EIF4G2: variants seen among roughly 807,000 people sequenced by gnomAD.
EIF4G2 encodes the protein DAP-5.
In EIF4G2, 8 loss-of-function variants were observed where a neutral mutation model predicts 117.7. The ratio of observed to expected loss-of-function variants is 0.07; its 90% confidence interval spans 0.04 to 0.12. The LOEUF (loss-of-function observed/expected upper bound fraction) is 0.12. Among genes scored for constraint, EIF4G2 ranks in the 10% least tolerant of loss-of-function variants. EIF4G2 has a pLI of 1.00. For missense variants in EIF4G2, 812 were observed against 1,086.2 expected, an observed-to-expected ratio of 0.75 and a Z score of 3.55; for synonymous variants, 413 against 367.8, an observed-to-expected ratio of 1.12 and a Z score of -1.41.
chr11:10,803,554 T>C lies in EIF4G2; in HGVS notation c.739A>G (p.Met247Val), dbSNP rs773737634. ...CAGAGGCACTCCAAATCCTCTCCCATATCTTTGAGTTGGACTCTCTTCTTC... is the reference window on the plus strand; with the variant it reads ...CAGAGGCACTCCAAATCCTCTCCCACATCTTTGAGTTGGACTCTCTTCTTC... Residue 247 changes from methionine to valine, a missense_variant, in exon 9 of 22, where the codon ATG becomes GTG. Physicochemically the swap from Met to Val is conservative, Grantham distance 21. This residue lies in a region of EIF4G2 where 154 missense variants were observed against 322.1 expected (regional missense o/e 0.48). Transcript: ENST00000339995. This position sits in a 1 kb window ranked among gnomAD's most constrained non-coding sequence, Gnocchi z 4.0. The C allele has an allele frequency of 1.9e-6, 3 of 1,614,076 alleles. No individual in the cohort carries two copies. The highest frequency in any genetic ancestry group is 2.2e-5 in the East Asian group (1 of 44,864).
At chr11:10,807,133 T>G in intron 2 of EIF4G2, 122 bp downstream of exon 2, 43 of 1,439,888 alleles carry the variant, frequency 3.0e-5, no homozygotes, top group Non-Finnish European at 4.0e-5. Flanking sequence ...AGGCTGTCAA[T>G]GAAAACTTAA....
Position 10,797,650 on chromosome 11 carries a change from T to C in EIF4G2, c.*166A>G, listed in dbSNP as rs2135401958. 2 of 691,672 alleles carry C rather than the reference T, an allele frequency of 2.9e-6. No individual in the cohort carries two copies. Among genetic ancestry groups the C allele is most frequent in the South Asian group, 3.6e-5 (2 of 55,828 alleles). 42.8% of individuals were successfully genotyped at this position (691,672 alleles called of 1,614,324 possible). A position where few individuals can be genotyped will look rare whatever the true frequency, so the allele number is the denominator to read the frequency against. On this transcript the variant is annotated 3_prime_UTR_variant, in exon 22 of 22. Coordinates refer to ENST00000339995, the MANE Select transcript of EIF4G2 (RefSeq NM_001418.4). The surrounding 1 kb of genome is among the most constrained non-coding windows in gnomAD (Gnocchi z 4.5). ...TGATGGTAGACTATGATTAAGACAT[T>C]ACACTACAAAAAAACCTTATGCAGA...
At chr11:10,799,526 C>G in intron 19 of EIF4G2, 26 bp downstream of exon 19, 1 of 1,610,888 alleles carries the variant, frequency 6.2e-7, no homozygotes, top group Non-Finnish European at 8.5e-7. Context: ...GAAACATTAC[C>G]ATATGCAGAA....
At chr11:10,805,078 G>A in intron 4 of EIF4G2, 63 bp from the exon 5 acceptor site, 2 of 1,296,074 alleles carry the variant, frequency 1.5e-6, no homozygotes, top group Non-Finnish European at 1.1e-6. Context: ...TTGAAAAACT[G>A]CTTTTAAATT....
rs755135345 is a variant in EIF4G2 at position 10,800,513 on chromosome 11, G to C, written c.1779C>G (p.Ser593Arg). 6.2e-7 allele frequency: 1 copy of C among 1,613,942 alleles called. No homozygotes were observed. The highest frequency in any genetic ancestry group is 1.3e-5 in the African/African-American group (1 of 74,876). Residue 593 changes from serine to arginine, a missense_variant, in exon 17 of 22, where the codon AGC (serine) becomes AGG (arginine). By Grantham distance (110) the Ser-to-Arg change is moderately radical (BLOSUM62 -1). This residue lies in a region of EIF4G2 where 571 missense variants were observed against 642.3 expected (regional missense o/e 0.89). Transcript: ENST00000339995. ...AACTTGCTTTTTCTTTATCTTCATC[G>C]CTTCTATCTAGTGACAGGATGATTA...
intron 21 of EIF4G2, 143 bp downstream of exon 21, chr11:10,798,849 T>A: frequency 1.1e-6 from 1 of 951,124 alleles, no homozygotes; most frequent in Non-Finnish European, 1.6e-6. Flanking sequence ...TAGCTTCAAA[T>A]AGTGCAGAAT....
intron 18 of EIF4G2, 112 bp from the exon 19 acceptor site, chr11:10,799,868 A>G: frequency 7.5e-7 from 1 of 1,326,188 alleles, no homozygotes; most frequent in Non-Finnish European, 1.0e-6. Flanking sequence ...TCCATGTAGC[A>G]GAATAGAGAA....
intron 1 of EIF4G2, 67 bp from the exon 2 acceptor site, chr11:10,807,448 TACA>T: frequency 6.9e-7 from 1 of 1,456,672 alleles, no homozygotes; most frequent in East Asian, 2.5e-5. Context: ...TTCATTCAAT[TACA>T]ACGTATTTCA....
At position 10,806,219 on chromosome 11, in the gene EIF4G2, G is replaced by A. The variant is rs578259102; in HGVS notation, c.108-172C>T. 6.4e-5 allele frequency: 56 copies of A among 873,686 alleles called. No homozygotes were observed. The African/African-American group carries it at 9.0e-4, about 14-fold the overall frequency. The allele number at this position is 873,686 out of a possible 1,614,324, so 54.1% of individuals were successfully genotyped here. A position where few individuals can be genotyped will look rare whatever the true frequency, so the allele number is the denominator to read the frequency against. On this transcript the variant is annotated intron_variant, in intron 3 of 21. Coordinates refer to ENST00000339995, the MANE Select transcript of EIF4G2 (RefSeq NM_001418.4). ...GTAGTGTGCATCAGAATCACCTGAA[G>A]GGCTTGTTAATACAGATTGCTGGGC... is the stretch of plus-strand genomic sequence containing the variant.
intron 1 of EIF4G2, chr11:10,808,294 A>AGGCTCCGGGACGCCT: frequency 1.2e-5 from 14 of 1,216,120 alleles, no homozygotes; most frequent in Non-Finnish European, 1.5e-5. Flanking sequence ...CCGGGAGGCC[A>AGGCTCCGGGACGCCT]GGCTCCGGGA....
chr11:10,798,797 T>C, intron 21 of EIF4G2, 195 bp downstream of exon 21: 2 of 632,618 alleles, frequency 3.2e-6, no homozygotes, highest in Non-Finnish European at 5.1e-6. Context: ...TAACATCTTA[T>C]ACACCACTAG....
chr11:10,808,401 C>A (rs1847657668), intron 1 of EIF4G2: 4 of 1,253,770 alleles, frequency 3.2e-6, no homozygotes, highest in Non-Finnish European at 4.1e-6. Flanking sequence ...CACGCTCCCT[C>A]GCCGTCCGAG....
In EIF4G2 at chr11:10,802,407, A is replaced by G. The variant is rs1475458649; in HGVS notation, c.1025T>C (p.Met342Thr). ...GAAGTCACTTCTCATCCCTTGAGCC[A>G]TAGGAGCAGGAATAAACACCCCTAG... is the stretch of plus-strand genomic sequence containing the variant. Residue 342 changes from methionine (M) to threonine (T), a missense_variant, in exon 12 of 22, where the codon ATG (methionine) becomes ACG (threonine). Transcript: ENST00000339995. 1.2e-6 allele frequency: 2 copies of G among 1,610,910 alleles called. No individual in the cohort carries two copies. The highest frequency in any genetic ancestry group is 3.4e-5 in the Admixed American group (2 of 59,028).
intron 20 of EIF4G2, 43 bp downstream of exon 20, chr11:10,799,170 T>C (rs771474973): frequency 6.2e-6 from 10 of 1,612,246 alleles, no homozygotes; most frequent in Non-Finnish European, 8.5e-6. Context: ...GTGTTCTGTT[T>C]AAGAACTTCC....
At position 10,800,987 on chromosome 11, in the gene EIF4G2, C is replaced by A; in HGVS notation, c.1514G>T (p.Arg505Leu). The A allele has an allele frequency of 1.2e-6, 2 of 1,614,122 alleles. No individual in the cohort carries two copies. Among genetic ancestry groups the A allele is most frequent in the Non-Finnish European group, 1.7e-6 (2 of 1,179,994 alleles). Residue 505 changes from arginine to leucine, a missense_variant, in exon 15 of 22, where the codon CGC becomes CTC. Arg to Leu is a moderately radical substitution (Grantham distance 102). Around this residue, in one of 4 missense-constraint regions of EIF4G2, gnomAD observed 571 missense variants for 642.3 expected, o/e 0.89. Transcript: ENST00000339995. The stretch of plus-strand genomic sequence containing the variant: ...CTGTCCCAGAGGTGGTGTTTGAGTG[C>A]GTGGTGGTTGTGCACTAGGAGGAAT...
rs1847443933 is a variant in EIF4G2 at position 10,802,251 on chromosome 11, C to T, written c.1139-42G>A. On this transcript the variant is annotated intron_variant, in intron 12 of 21. Transcript: ENST00000339995. ...GGACAACTCTCAAAACTAAAGTTAA[C>T]TGATTTTTCAGCTTAACGCAACCAT... The T allele has an allele frequency of 2.5e-6, 4 of 1,611,534 alleles. No individual in the cohort carries two copies. In the South Asian group the frequency reaches 3.3e-5, roughly 13 times the overall value.
rs536925865 is a variant in EIF4G2 at position 10,801,903 on chromosome 11, G to A, written c.1300-129C>T. ...AATTTGCCCAGAGAAAGTAAAAGAT[G>A]AAACAGGGAAGAATAAAAATCTAAC... On this transcript the variant is annotated intron_variant, in intron 13 of 21. Coordinates refer to ENST00000339995, the MANE Select transcript of EIF4G2 (RefSeq NM_001418.4). The A allele has an allele frequency of 4.9e-5, 54 of 1,109,860 alleles. No individual in the cohort carries two copies. In the African/African-American group the frequency reaches 6.6e-4, roughly 13 times the overall value. 68.8% of individuals were successfully genotyped at this position (1,109,860 alleles called of 1,614,324 possible).
chr11:10,799,477 A>C (rs1388633051), intron 19 of EIF4G2, 53 bp from the exon 20 acceptor site: 1 of 1,610,506 alleles, frequency 6.2e-7, no homozygotes. Flanking sequence ...CTTGCTCAAG[A>C]GACAACTCTT....
At chr11:10,808,662 AT>A in intron 1 of EIF4G2, 42 bp downstream of exon 1, 1 of 283,518 alleles carries the variant, frequency 3.5e-6, no homozygotes, top group South Asian at 4.0e-5. Flanking sequence ...GACGGCGGCC[AT>A]TTTAGAGCGC....
Sources: allele counts gnomAD v4.1 joint callset, GRCh38; gene constraint gnomAD v4.1.1; regional missense constraint gnomAD v4.1.1; non-coding constraint Gnocchi (gnomAD v3.1); transcripts MANE v1.5; gene names NCBI Gene and HGNC (gene_info 2026-07-23, HGNC 2026-07-21).